The following ERBB4 variants were observed in gnomAD, a reference collection of about 807,000 sequenced individuals.
ERBB4 encodes the protein receptor tyrosine-protein kinase erbB-4.
In ERBB4, 42 loss-of-function variants were observed where a neutral mutation model predicts 158.0. The ratio of observed to expected loss-of-function variants is 0.27; its 90% CI spans 0.21 to 0.34. The LOEUF (loss-of-function observed/expected upper bound fraction) is 0.34, where lower values mean the gene tolerates loss of function less well. Ranked by LOEUF, ERBB4 falls within the 10% of genes least tolerant of loss-of-function variation. ERBB4 has a pLI of 1.00. For synonymous variants in ERBB4, 583 were observed against 558.7 expected (o/e 1.04, Z -0.61); for missense variants, 1,333 against 1,624.1 (o/e 0.82, Z 3.08).
At chr2:211,801,389 C>T (rs2076494751) in intron 3 of ERBB4, among the ~76,000 whole-genome samples, 1 of 152,058 alleles carries the variant, frequency 6.6e-6, no homozygotes, top group Admixed American at 6.6e-5. Context: ...TTTTTTAAAT[C>T]ATCTTTTTTC....
intron 19 of ERBB4, among the ~76,000 whole-genome samples, chr2:211,571,953 T>G (rs1344405462): frequency 6.6e-6 from 1 of 152,184 alleles, no homozygotes; most frequent in East Asian, 1.9e-4. Flanking sequence ...TTTTTTTAAT[T>G]TCAGAAACAT....
chr2:211,713,316 T>G (rs2073774046), intron 8 of ERBB4, among the ~76,000 whole-genome samples: 1 of 152,110 alleles, frequency 6.6e-6, no homozygotes, highest in Non-Finnish European at 1.5e-5. Context: ...TACATGTGCG[T>G]TTTTTTCTGG....
At chr2:211,933,410 A>T (rs926219245) in intron 3 of ERBB4, among the ~76,000 whole-genome samples, 1 of 151,992 alleles carries the variant, frequency 6.6e-6, no homozygotes, top group Non-Finnish European at 1.5e-5. Flanking sequence ...TCCTTGCAAA[A>T]CATACTGCCC....
At chr2:212,037,705 G>A (rs1163809417) in intron 2 of ERBB4, among the ~76,000 whole-genome samples, 2 of 152,196 alleles carry the variant, frequency 1.3e-5, no homozygotes, top group African/African-American at 4.8e-5. Flanking sequence ...GATTGGTTCT[G>A]TGGAAATTAC....
intron 4 of ERBB4, among the ~76,000 whole-genome samples, chr2:211,751,747 A>G (rs1239883159): frequency 6.6e-6 from 1 of 152,128 alleles, no homozygotes; most frequent in African/African-American, 2.4e-5. Flanking sequence ...AGTTCTTACA[A>G]CCTGGAGTGT....
intron 20 of ERBB4, among the ~76,000 whole-genome samples, chr2:211,442,405 TCC>T (rs1559172767): frequency 3.3e-5 from 5 of 152,038 alleles, no homozygotes; most frequent in African/African-American, 1.2e-4. Flanking sequence ...CATCCATCCA[TCC>T]ATCCATCCAA....
intron 2 of ERBB4, among the ~76,000 whole-genome samples, chr2:211,988,713 AT>A (rs1162856670): frequency 6.6e-6 from 1 of 151,924 alleles, no homozygotes; most frequent in African/African-American, 2.4e-5. Flanking sequence ...TCTCTCTTTC[AT>A]TTGCTTCTCA....
chr2:212,317,139 A>G (rs1391074454), intron 1 of ERBB4, among the ~76,000 whole-genome samples: 1 of 151,498 alleles, frequency 6.6e-6, no homozygotes, highest in Non-Finnish European at 1.5e-5. Context: ...TATTTCAGCC[A>G]TCTCTTTACT....
chr2:212,288,267 T>C lies in ERBB4; in HGVS notation c.83-163364A>G, dbSNP rs375139645. Among the ~76,000 whole-genome samples, 11 of 152,208 alleles carry C rather than the reference T, an allele frequency of 7.2e-5. No individual in the cohort carries two copies. In the East Asian group the frequency reaches 1.7e-3, roughly 24 times the overall value. On this transcript the variant is annotated intron_variant, in intron 1 of 27. Transcript: ENST00000342788. The stretch of plus-strand genomic sequence containing the variant: ...TTAGACTAGGTTTCAGTGTCCACAA[T>C]GCTAATACCGCGAGGCACACGGGAC...
chr2:212,447,206 C>G (rs1306180908), intron 1 of ERBB4, among the ~76,000 whole-genome samples: 1 of 151,824 alleles, frequency 6.6e-6, no homozygotes, highest in Non-Finnish European at 1.5e-5. Context: ...ATTGTGTTAG[C>G]CAGGATGGTA....
chr2:211,913,645 GTGTGTGTGTGTGTA>G (rs1452943697), intron 3 of ERBB4, among the ~76,000 whole-genome samples: 4 of 139,352 alleles, frequency 2.9e-5, no homozygotes, highest in Admixed American at 1.6e-4. Context: ...GTGTGTGTGT[GTGTGTGTGTGTGTA>G]TGTGTGTATG....
intron 25 of ERBB4, among the ~76,000 whole-genome samples, chr2:211,406,361 C>T (rs1473541814): frequency 3.3e-5 from 5 of 152,156 alleles, no homozygotes; most frequent in Non-Finnish European, 7.3e-5. Context: ...GCTTCTGCTA[C>T]TTGCCTGAAT....
chr2:211,452,195 T>C (rs1384724075), intron 20 of ERBB4, among the ~76,000 whole-genome samples: 1 of 151,068 alleles, frequency 6.6e-6, no homozygotes, highest in South Asian at 2.1e-4. Context: ...TATTTTTTTT[T>C]GAGATGGAGT....
chr2:212,257,993 T>C (rs1948875), intron 1 of ERBB4, among the ~76,000 whole-genome samples: 53,887 of 151,976 alleles, frequency 0.35, 11,781 homozygotes, highest in East Asian at 0.76. Context: ...ATCCTGTTTA[T>C]AAAAGTGGTT....
intron 16 of ERBB4, among the ~76,000 whole-genome samples, chr2:211,642,125 T>C (rs968463097): frequency 2.0e-5 from 3 of 152,110 alleles, no homozygotes; most frequent in Non-Finnish European, 4.4e-5. Flanking sequence ...TCTTTGCATT[T>C]ATCTCTTAAA....
chr2:211,826,457 C>T (rs1216337429), intron 3 of ERBB4, among the ~76,000 whole-genome samples: 3 of 151,732 alleles, frequency 2.0e-5, no homozygotes, highest in Non-Finnish European at 4.4e-5. Flanking sequence ...TGTTTCCATC[C>T]ATAGCCCTTA....
chr2:212,095,444 C>A (rs939876623), intron 2 of ERBB4, among the ~76,000 whole-genome samples: 2 of 152,086 alleles, frequency 1.3e-5, no homozygotes, highest in African/African-American at 4.8e-5. Context: ...TTGCATAAAA[C>A]CCTAGAGAAA....
chr2:211,438,718 T>A (rs1290955617), intron 20 of ERBB4, among the ~76,000 whole-genome samples: 6 of 152,124 alleles, frequency 3.9e-5, no homozygotes, highest in Admixed American at 1.3e-4. Context: ...TGTTCCTGAA[T>A]GTTCTTCCTA....
chr2:211,988,736 C>A (rs2081998339), intron 2 of ERBB4, among the ~76,000 whole-genome samples: 1 of 152,026 alleles, frequency 6.6e-6, no homozygotes, highest in African/African-American at 2.4e-5. Flanking sequence ...TCTATTTTCC[C>A]TTTCCCTCTT....
Sources: allele counts gnomAD v4.1 joint callset (sites outside exome capture counted in the v4.1 genomes callset), GRCh38; gene constraint gnomAD v4.1.1; transcripts MANE v1.5; gene names NCBI Gene and HGNC (gene_info 2026-07-23, HGNC 2026-07-21).